CENPU: variants seen among roughly 807,000 people sequenced by gnomAD.
CENPU encodes centromere protein U, also known as KSHV latent nuclear antigen interacting protein 1.
A neutral mutation model predicts 56.7 loss-of-function variants in CENPU; 46 were observed. That is an observed-to-expected ratio of 0.81 (90% CI 0.64 to 1.04). CENPU has a LOEUF of 1.04. Among genes scored for constraint, CENPU ranks in the 50% least tolerant of loss-of-function variants. CENPU has a pLI of 0.00. For missense variants in CENPU, 510 were observed against 490.1 expected, an observed-to-expected ratio of 1.04 and a Z score of -0.38; for synonymous variants, 166 against 163.0, an observed-to-expected ratio of 1.02 and a Z score of -0.14.
intron 8 of CENPU, among the ~76,000 whole-genome samples, chr4:184,704,770 G>C (rs1324947732): frequency 6.6e-6 from 1 of 152,146 alleles, no homozygotes; most frequent in Non-Finnish European, 1.5e-5. Flanking sequence ...GTGATTGCTG[G>C]GGGAGGGAGG....
intron 6 of CENPU, among the ~76,000 whole-genome samples, chr4:184,714,286 GA>G (rs1761018451): frequency 6.6e-6 from 1 of 152,114 alleles, no homozygotes; most frequent in Admixed American, 6.6e-5. Flanking sequence ...TAGGCTGATG[GA>G]AAAAGATAAC....
At chr4:184,726,984 G>T (rs1761476897) in intron 3 of CENPU, among the ~76,000 whole-genome samples, 1 of 123,622 alleles carries the variant, frequency 8.1e-6, no homozygotes, top group Non-Finnish European at 1.7e-5. Context: ...TGGGGGGGGG[G>T]GGCGCCTGGA....
rs757829157 is a variant in CENPU at position 184,728,909 on chromosome 4, A to G, written c.214+9T>C. 1.3e-6 allele frequency: 2 copies of G among 1,591,356 alleles called. No individual in the cohort carries two copies. Among genetic ancestry groups the G allele is most frequent in the South Asian group, 2.2e-5 (2 of 90,220 alleles). On this transcript the variant is annotated intron_variant, in intron 3 of 12. Transcript: ENST00000281453. Reference sequence around the variant, plus strand: ...GAGTTATGTTAGGATAAAGATTTAAAGTACTAACCAAAGGTCTCATAAGTT... The same window carrying G: ...GAGTTATGTTAGGATAAAGATTTAAGGTACTAACCAAAGGTCTCATAAGTT...
At chr4:184,697,625 TA>T (rs1760384035) in intron 12 of CENPU, 21 bp downstream of exon 12, 1 of 1,610,418 alleles carries the variant, frequency 6.2e-7, no homozygotes, top group East Asian at 2.2e-5. Context: ...TGAAGCATGG[TA>T]AAAAGTAAAA....
chr4:184,705,625 T>C (rs1184262036), intron 8 of CENPU, among the ~76,000 whole-genome samples: 2 of 152,066 alleles, frequency 1.3e-5, no homozygotes, highest in African/African-American at 4.8e-5. Context: ...ACAAAAAAAT[T>C]CATGAATAAT....
intron 11 of CENPU, 75 bp from the exon 12 acceptor site, chr4:184,697,878 A>C (rs1361327688): frequency 3.3e-6 from 4 of 1,200,474 alleles, no homozygotes; most frequent in Non-Finnish European, 4.6e-6. Context: ...AAGTACGCTG[A>C]GCGAGTGTGA....
intron 12 of CENPU, among the ~76,000 whole-genome samples, chr4:184,696,537 TA>T (rs1166438907): frequency 6.6e-6 from 1 of 152,070 alleles, no homozygotes. Flanking sequence ...CTTAGGTAAT[TA>T]AAAAAATACC....
At position 184,694,153 on chromosome 4, in the gene CENPU, G is replaced by T; in HGVS notation, c.*1135C>A. On this transcript the variant is annotated 3_prime_UTR_variant, in exon 13 of 13. Transcript: ENST00000281453. ...TTTGCTAAATACTTTAAAATTTAAA[G>T]CATGGGTACTAAGTCCATTGTCAAG... 1.1e-6 allele frequency: 1 copy of T among 890,246 alleles called. No individual in the cohort carries two copies. Among genetic ancestry groups the T allele is most frequent in the Non-Finnish European group, 1.4e-6 (1 of 736,724 alleles). The allele number at this position is 890,246 out of a possible 1,614,324, so 55.1% of individuals were successfully genotyped here.
intron 8 of CENPU, among the ~76,000 whole-genome samples, chr4:184,704,139 G>A (rs1269266908): frequency 1.3e-5 from 2 of 151,754 alleles, no homozygotes; most frequent in Non-Finnish European, 2.9e-5. Flanking sequence ...GGACTGAGTA[G>A]TGTGATCATG....
Position 184,717,137 on chromosome 4 carries a change from T to C in CENPU, c.380A>G (p.Lys127Arg). The change falls in exon 5 of 13, where the codon AAG (lysine) becomes AGG (arginine). Residue 127 changes from lysine (K) to arginine (R), a missense_variant and splice_region_variant. By Grantham distance (26) the Lys-to-Arg change is conservative (BLOSUM62 2). Coordinates refer to ENST00000281453, the MANE Select transcript of CENPU (RefSeq NM_024629.4). ...EIESVKISAK[K>R]PGRKLRPISD... Reference sequence around the variant, plus strand: ...AGAAGAGTGAATACTCCTACATACCTTTTTTGCACTAATTTTTACAGATTC... The same window carrying C: ...AGAAGAGTGAATACTCCTACATACCCTTTTTGCACTAATTTTTACAGATTC... 6.2e-7 allele frequency: 1 copy of C among 1,605,798 alleles called. No individual in the cohort carries two copies. Among genetic ancestry groups the C allele is most frequent in the Non-Finnish European group, 8.5e-7 (1 of 1,174,532 alleles).
chr4:184,707,556 G>A (rs116074199), intron 8 of CENPU, among the ~76,000 whole-genome samples: 1 of 152,196 alleles, frequency 6.6e-6, no homozygotes, highest in Non-Finnish European at 1.5e-5. Flanking sequence ...TCTTCCTGCT[G>A]CTCCTCTCTG....
intron 11 of CENPU, among the ~76,000 whole-genome samples, chr4:184,698,848 G>A (rs2150200069): frequency 2.0e-5 from 3 of 152,256 alleles, no homozygotes; most frequent in African/African-American, 7.2e-5. Flanking sequence ...TCAGTCAGCT[G>A]ACAGTGAATC....
At chr4:184,712,880 T>A (rs1026807797) in intron 7 of CENPU, 64 bp downstream of exon 7, 2 of 1,098,272 alleles carry the variant, frequency 1.8e-6, no homozygotes, top group African/African-American at 3.2e-5. Flanking sequence ...AAATTAAGAA[T>A]AGGGTCTTAT....
intron 1 of CENPU, among the ~76,000 whole-genome samples, chr4:184,732,304 T>G (rs1761676392): frequency 6.6e-6 from 1 of 151,850 alleles, no homozygotes; most frequent in Non-Finnish European, 1.5e-5. Flanking sequence ...TTGAGTGTCA[T>G]CAAAATTCTC....
chr4:184,725,498 G>T (rs1478564370), intron 3 of CENPU, among the ~76,000 whole-genome samples: 1 of 152,166 alleles, frequency 6.6e-6, no homozygotes, highest in South Asian at 2.1e-4. Flanking sequence ...TAGAGACAGG[G>T]TCTCACTATG....
chr4:184,718,631 C>G (rs1012478317), intron 4 of CENPU, among the ~76,000 whole-genome samples: 1 of 152,186 alleles, frequency 6.6e-6, no homozygotes, highest in Non-Finnish European at 1.5e-5. Context: ...AGAGTGAGGT[C>G]CCCAAACCAT....
chr4:184,714,431 G>C (rs1422209143), intron 6 of CENPU, among the ~76,000 whole-genome samples: 4 of 152,110 alleles, frequency 2.6e-5, no homozygotes, highest in Non-Finnish European at 5.9e-5. Context: ...AATACCGTAA[G>C]GTTAGACTTG....
chr4:184,695,757 TATC>T (rs1760270020), intron 12 of CENPU, among the ~76,000 whole-genome samples: 1 of 152,136 alleles, frequency 6.6e-6, no homozygotes, highest in Non-Finnish European at 1.5e-5. Flanking sequence ...ATCTGCTTGA[TATC>T]ATGTCTATTT....
chr4:184,734,051 C>T lies in CENPU; in HGVS notation c.12G>A (p.Arg4=), dbSNP rs746038756. The T allele has an allele frequency of 3.2e-6, 5 of 1,569,234 alleles. No homozygotes were observed. Among genetic ancestry groups the T allele is most frequent in the South Asian group, 1.2e-5 (1 of 86,384 alleles). ...TGTGAGGCCGCGGCCGCCGCCGCCCCCGCGGGGCCATGGTGCCGCTCTCCG... is the reference window on the plus strand; with the variant it reads ...TGTGAGGCCGCGGCCGCCGCCGCCCTCGCGGGGCCATGGTGCCGCTCTCCG... MAP[R]GRRRPRPHRS... Residue 4 remains arginine (R), a synonymous_variant, in exon 1 of 13, where the codon CGG becomes CGA. Transcript: ENST00000281453.
Sources: allele counts gnomAD v4.1 joint callset (sites outside exome capture counted in the v4.1 genomes callset), GRCh38; gene constraint gnomAD v4.1.1; transcripts MANE v1.5; gene names NCBI Gene and HGNC (gene_info 2026-07-23, HGNC 2026-07-21).